METTL15: variants seen among roughly 807,000 people sequenced by gnomAD.
METTL15 encodes methyltransferase 15, mitochondrial 12S rRNA N4-cytidine, also known as 12S rRNA N(4)-cytidine methyltransferase METTL15.
METTL15 carries 34 observed loss-of-function variants against 38.3 expected under a neutral mutation model. The observed-to-expected ratio is 0.89, with a 90% CI of 0.68 to 1.18. The LOEUF (loss-of-function observed/expected upper bound fraction) is 1.18. Among genes scored for constraint, METTL15 ranks in the 50% most tolerant of loss-of-function variants. METTL15 has a pLI of 0.00. For synonymous variants in METTL15, 162 were observed against 170.9 expected, an observed-to-expected ratio of 0.95 and a Z score of 0.41; for missense variants, 438 against 498.4, an observed-to-expected ratio of 0.88 and a Z score of 1.15.
Position 28,443,879 on chromosome 11 carries a change from C to T in METTL15, c.*424+19515C>T, listed in dbSNP as rs1046992631. Among the ~76,000 whole-genome samples the T allele has an allele frequency of 2.0e-5, 3 of 152,160 alleles. No homozygotes were observed. The South Asian group carries it at 6.2e-4, about 31-fold the overall frequency. ...AGTTTTATAAGTGATTGATCTGCCA[C>T]CCTGTAATTTATTCTCCATGCAGCA... is the stretch of plus-strand genomic sequence containing the variant. On this transcript the variant is annotated intron_variant and NMD_transcript_variant, in intron 6 of 7. Coordinates refer to the METTL15 transcript ENST00000532947.
chr11:28,170,966 C>T (rs1237630264), intron 3 of METTL15, among the ~76,000 whole-genome samples: 1 of 152,068 alleles, frequency 6.6e-6, no homozygotes, highest in Non-Finnish European at 1.5e-5. Flanking sequence ...GTGGTTCGAA[C>T]ACCTCTGAGA....
chr11:28,240,178 C>T (rs1435718105), intron 4 of METTL15, among the ~76,000 whole-genome samples: 4 of 152,166 alleles, frequency 2.6e-5, no homozygotes, highest in African/African-American at 9.7e-5. Flanking sequence ...TTTTCATGAG[C>T]TACTTCAGTT....
At chr11:28,234,189 T>G (rs1853826291) in intron 4 of METTL15, among the ~76,000 whole-genome samples, 1 of 152,230 alleles carries the variant, frequency 6.6e-6, no homozygotes, top group Admixed American at 6.5e-5. Flanking sequence ...CACATTTTCT[T>G]AATCCACTCT....
chr11:28,265,852 T>C (rs975842067), intron 4 of METTL15, among the ~76,000 whole-genome samples: 13 of 152,220 alleles, frequency 8.5e-5, no homozygotes, highest in Admixed American at 2.6e-4. Flanking sequence ...AGGGTACATG[T>C]GCACAACGTG....
chr11:28,194,178 C>CTTTCTTTCTTTTTT lies in METTL15; in HGVS notation c.271-16883_271-16882insTTCTTTCTTTTTTT, dbSNP rs1373046857. Among the ~76,000 whole-genome samples the CTTTCTTTCTTTTTT allele has an allele frequency of 3.3e-3, 40 of 12,276 alleles. 1 individual carries two copies. The highest frequency in any genetic ancestry group is 5.2e-3 in the Non-Finnish European group (31 of 5,968). 8.1% of individuals were successfully genotyped at this position (12,276 alleles called of 152,430 possible). A position where few individuals can be genotyped will look rare whatever the true frequency, so the allele number is the denominator to read the frequency against. ...TTTCTTTCTTTCTTTCTTTCTTTTT[C>CTTTCTTTCTTTTTT]TCTCTCTCTCTCTCCTCTCTCTCTC... On this transcript the variant is annotated intron_variant, in intron 3 of 6. Coordinates refer to ENST00000407364, the MANE Select transcript of METTL15 (RefSeq NM_001113528.2).
chr11:28,304,046 T>G (rs1252597098), intron 6 of METTL15, among the ~76,000 whole-genome samples: 1 of 152,186 alleles, frequency 6.6e-6, no homozygotes, highest in Non-Finnish European at 1.5e-5. Context: ...TCTGTGAAAT[T>G]TAAAGTGCAA....
intron 3 of METTL15, 73 bp from the exon 4 acceptor site, chr11:28,210,989 A>G: frequency 7.0e-7 from 1 of 1,436,574 alleles, no homozygotes. Context: ...GTGTGCTTCT[A>G]GAAATTGAGA....
chr11:28,185,279 G>A (rs752212770), intron 3 of METTL15, among the ~76,000 whole-genome samples: 1 of 151,298 alleles, frequency 6.6e-6, no homozygotes, highest in South Asian at 2.1e-4. Flanking sequence ...AAAAAGAAAG[G>A]CAGCTAGAGT....
intron 5 of METTL15, among the ~76,000 whole-genome samples, chr11:28,422,544 T>A (rs1850829420): frequency 6.6e-6 from 1 of 151,942 alleles, no homozygotes; most frequent in Non-Finnish European, 1.5e-5. Flanking sequence ...TCTGTACATA[T>A]ATCTACAGTG....
At chr11:28,269,661 C>T (rs1277532609) in intron 4 of METTL15, among the ~76,000 whole-genome samples, 1 of 152,106 alleles carries the variant, frequency 6.6e-6, no homozygotes, top group Non-Finnish European at 1.5e-5. Context: ...ACTATCAGCA[C>T]TAGATTCTTT....
At chr11:28,328,082 T>G in intron 6 of METTL15, 6 of 1,604,556 alleles carry the variant, frequency 3.7e-6, no homozygotes, top group Non-Finnish European at 5.1e-6. Flanking sequence ...TATATGTTTG[T>G]TCATATTCTT....
rs142056487 is a variant in METTL15 at position 28,221,408 on chromosome 11, C to G, written c.407+10210C>G. 4.8e-4 allele frequency among the ~76,000 whole-genome samples: 73 copies of G among 152,282 alleles called. No homozygotes were observed. In the East Asian group the frequency reaches 0.014, roughly 28 times the overall value. The stretch of plus-strand genomic sequence containing the variant: ...AGTTCTCGTGCCATGGTTTTCAGCT[C>G]CATCAGGTTCTTTAAGGACTTGTCT... On this transcript the variant is annotated intron_variant, in intron 4 of 6. Transcript: ENST00000407364.
intron 6 of METTL15, among the ~76,000 whole-genome samples, chr11:28,486,540 C>CAA (rs1851440997): frequency 6.6e-6 from 1 of 152,080 alleles, no homozygotes; most frequent in East Asian, 1.9e-4. Context: ...TTCAATGTTT[C>CAA]TGTTTAGCCT....
chr11:28,161,658 C>T (rs1850468687), intron 3 of METTL15, among the ~76,000 whole-genome samples: 1 of 151,464 alleles, frequency 6.6e-6, no homozygotes. Context: ...TACTAATTGT[C>T]TAGGTTGTCG....
intron 6 of METTL15, among the ~76,000 whole-genome samples, chr11:28,330,037 G>C (rs1383817860): frequency 6.6e-6 from 1 of 152,054 alleles, no homozygotes; most frequent in African/African-American, 2.4e-5. Context: ...CCTATGTGCA[G>C]CCATTTTGTT....
intron 4 of METTL15, among the ~76,000 whole-genome samples, chr11:28,216,891 T>C (rs1413860479): frequency 8.9e-6 from 1 of 112,874 alleles, no homozygotes; most frequent in East Asian, 2.2e-4. Context: ...GGACATGAAC[T>C]CATCTTTTTT....
At chr11:28,380,136 A>T (rs1850365811) in intron 5 of METTL15, among the ~76,000 whole-genome samples, 1 of 144,442 alleles carries the variant, frequency 6.9e-6, no homozygotes, top group South Asian at 2.2e-4. Flanking sequence ...ATATAGTTAG[A>T]TCTTGTTCTT....
chr11:28,395,336 T>C (rs914055893), intron 5 of METTL15, among the ~76,000 whole-genome samples: 1 of 152,086 alleles, frequency 6.6e-6, no homozygotes, highest in African/African-American at 2.4e-5. Flanking sequence ...GGCAAGATAA[T>C]TAATACTGTG....
At position 28,518,168 on chromosome 11, in the gene METTL15, TA is replaced by T. The variant is rs532237885; in HGVS notation, c.*425-8301del. On this transcript the variant is annotated intron_variant and NMD_transcript_variant, in intron 6 of 7. Transcript: ENST00000532947. The stretch of plus-strand genomic sequence containing the variant: ...TCACTCAGATTGCAGGAGAAAGGTT[TA>T]AAAAAAAAGCATAAAGAAATTATCT... 5.3e-5 allele frequency among the ~76,000 whole-genome samples: 8 copies of T among 150,926 alleles called. No homozygotes were observed. In the South Asian group the frequency reaches 6.3e-4, roughly 12 times the overall value.
Sources: allele counts gnomAD v4.1 joint callset (sites outside exome capture counted in the v4.1 genomes callset), GRCh38; gene constraint gnomAD v4.1.1; transcripts MANE v1.5; gene names NCBI Gene and HGNC (gene_info 2026-07-23, HGNC 2026-07-21).